The following PKHD1 variants were observed in gnomAD, a reference collection of about 807,000 sequenced individuals.
PKHD1 encodes PKHD1 ciliary IPT domain containing fibrocystin/polyductin.
PKHD1 carries 291 observed loss-of-function variants against 412.0 expected under a neutral mutation model. That is an observed-to-expected ratio of 0.71 (90% confidence interval 0.64 to 0.78). PKHD1 has a LOEUF of 0.78. PKHD1 is among the 30% of genes least tolerant of loss of function. The pLI, the probability that PKHD1 is intolerant of heterozygous loss-of-function variation, is 0.00. For synonymous variants in PKHD1, 1,777 were observed against 1,821.5 expected (o/e 0.98, Z 0.62); for missense variants, 4,825 against 4,950.7 (o/e 0.97, Z 0.76).
At chr6:51,828,249 C>T (rs946989297) in intron 52 of PKHD1, among the ~76,000 whole-genome samples, 1 of 151,912 alleles carries the variant, frequency 6.6e-6, no homozygotes, top group East Asian at 1.9e-4. Context: ...TCTCTGATTT[C>T]CTGCAAAGCT....
At chr6:51,804,574 G>A (rs1468707722) in intron 52 of PKHD1, among the ~76,000 whole-genome samples, 1 of 146,164 alleles carries the variant, frequency 6.8e-6, no homozygotes, top group Non-Finnish European at 1.5e-5. Context: ...TTTTGTGGAG[G>A]AAATAAGACA....
intron 52 of PKHD1, among the ~76,000 whole-genome samples, chr6:51,823,654 T>C (rs1199896006): frequency 6.6e-6 from 1 of 152,188 alleles, no homozygotes; most frequent in Non-Finnish European, 1.5e-5. Flanking sequence ...TATTTCAATA[T>C]ATTTATATTT....
At position 52,035,672 on chromosome 6, in the gene PKHD1, C is replaced by G. The variant is rs1192788264; in HGVS notation, c.3147G>C (p.Leu1049=). ...CACACGAGTAAGATCCAAATAATAT[C>G]AGGCTAACACCTTCCAAACTAGAGC... ...IRGSSLEGVS[L]ILFGSYSCAI... Residue 1049 remains leucine, a synonymous_variant, in exon 28 of 67, where the codon CTG becomes CTC. Coordinates refer to ENST00000371117, the MANE Select transcript of PKHD1 (RefSeq NM_138694.4). 6.2e-7 allele frequency: 1 copy of G among 1,613,834 alleles called. No individual in the cohort carries two copies. The highest frequency in any genetic ancestry group is 1.3e-5 in the African/African-American group (1 of 74,908).
intron 60 of PKHD1, among the ~76,000 whole-genome samples, chr6:51,707,008 C>A (rs1780090602): frequency 6.6e-6 from 1 of 152,068 alleles, no homozygotes; most frequent in African/African-American, 2.4e-5. Context: ...ATTTGATTAT[C>A]TGTGTGGTGA....
chr6:51,724,086 G>A (rs897977200), intron 60 of PKHD1, among the ~76,000 whole-genome samples: 1 of 152,100 alleles, frequency 6.6e-6, no homozygotes, highest in African/African-American at 2.4e-5. Context: ...CCAGAGAAGA[G>A]ACTAAAAATT....
chr6:51,957,071 A>T (rs980604604), intron 36 of PKHD1, among the ~76,000 whole-genome samples: 4 of 152,054 alleles, frequency 2.6e-5, no homozygotes, highest in African/African-American at 9.7e-5. Flanking sequence ...ATGAAGCCTT[A>T]TTTTCCTGTC....
intron 49 of PKHD1, 93 bp downstream of exon 49, chr6:51,855,800 T>A: frequency 2.0e-6 from 2 of 994,790 alleles, no homozygotes; most frequent in Non-Finnish European, 1.6e-6. Flanking sequence ...AATAACGAGA[T>A]AACCTGCTCC....
At chr6:51,651,623 C>T (rs1770994438) in intron 61 of PKHD1, among the ~76,000 whole-genome samples, 1 of 152,096 alleles carries the variant, frequency 6.6e-6, no homozygotes. Flanking sequence ...GCTCCTTTTG[C>T]ATTTAATATG....
intron 48 of PKHD1, among the ~76,000 whole-genome samples, chr6:51,863,969 A>G (rs919244257): frequency 1.3e-5 from 2 of 152,190 alleles, no homozygotes; most frequent in African/African-American, 4.8e-5. Context: ...ATTTATAAGG[A>G]CAGACGGACA....
intron 60 of PKHD1, among the ~76,000 whole-genome samples, chr6:51,705,839 T>C (rs959189754): frequency 6.6e-6 from 1 of 152,138 alleles, no homozygotes; most frequent in African/African-American, 2.4e-5. Context: ...TTCATGGTCA[T>C]GGGCAGAGAA....
intron 60 of PKHD1, among the ~76,000 whole-genome samples, chr6:51,712,176 G>C (rs1413163325): frequency 6.6e-6 from 1 of 152,146 alleles, no homozygotes; most frequent in African/African-American, 2.4e-5. Flanking sequence ...TCGTTAACAT[G>C]ATCTCTGTTT....
intron 23 of PKHD1, 139 bp from the exon 24 acceptor site, chr6:52,046,327 A>ACT: frequency 1.3e-6 from 1 of 769,928 alleles, no homozygotes; most frequent in Non-Finnish European, 2.3e-6. Flanking sequence ...GTAGAACTTC[A>ACT]GTAGAATCCC....
chr6:51,895,985 G>A, intron 43 of PKHD1, among the ~76,000 whole-genome samples: 1 of 152,132 alleles, frequency 6.6e-6, no homozygotes, highest in East Asian at 1.9e-4. Context: ...CACACCACAA[G>A]ATTATATCCC....
chr6:51,720,072 T>C (rs1781725361), intron 60 of PKHD1, among the ~76,000 whole-genome samples: 1 of 152,148 alleles, frequency 6.6e-6, no homozygotes, highest in South Asian at 2.1e-4. Context: ...CATTGCAAAA[T>C]GGCAAAAAAT....
At chr6:51,803,012 A>G (rs1763181812) in intron 52 of PKHD1, among the ~76,000 whole-genome samples, 1 of 151,112 alleles carries the variant, frequency 6.6e-6, no homozygotes, top group Non-Finnish European at 1.5e-5. Flanking sequence ...GATGTTTAAG[A>G]GAGAGTTTAA....
chr6:51,700,080 G>A (rs1413996606), intron 60 of PKHD1, among the ~76,000 whole-genome samples: 1 of 151,728 alleles, frequency 6.6e-6, no homozygotes, highest in Non-Finnish European at 1.5e-5. Context: ...ACATCTCATA[G>A]GAAGCATAAA....
rs550169696 is a variant in PKHD1, at chr6:52,016,675, C to A, written c.5600+735G>T. ...AAAAAGAAAAGAAAAAGAAAAGAGACCTTCATTAGATAATCAAAGGTAGCC... is the reference window on the plus strand; with the variant it reads ...AAAAAGAAAAGAAAAAGAAAAGAGAACTTCATTAGATAATCAAAGGTAGCC... On this transcript the variant is annotated intron_variant, in intron 34 of 66. Coordinates refer to ENST00000371117, the MANE Select transcript of PKHD1 (RefSeq NM_138694.4). 3.3e-5 allele frequency among the ~76,000 whole-genome samples: 5 copies of A among 150,958 alleles called. No homozygotes were observed. In the East Asian group the frequency reaches 7.7e-4, roughly 23 times the overall value.
intron 60 of PKHD1, chr6:51,721,434 A>G (rs1781914153): frequency 1.6e-6 from 1 of 629,546 alleles, no homozygotes; most frequent in South Asian, 7.2e-5. Context: ...TCTCAATATA[A>G]TTGGTAAAGA....
chr6:51,732,472 AAATT>A (rs1483100427), intron 60 of PKHD1, among the ~76,000 whole-genome samples: 2 of 152,212 alleles, frequency 1.3e-5, no homozygotes, highest in Non-Finnish European at 2.9e-5. Context: ...CCCAATTCAA[AAATT>A]AATATGGGAC....
Sources: allele counts gnomAD v4.1 joint callset (sites outside exome capture counted in the v4.1 genomes callset), GRCh38; gene constraint gnomAD v4.1.1; transcripts MANE v1.5; gene names NCBI Gene and HGNC (gene_info 2026-07-23, HGNC 2026-07-21).